The following ATP10A variants were observed in gnomAD, a reference collection of about 807,000 sequenced individuals.
The protein encoded by ATP10A is phospholipid-transporting ATPase VA.
In ATP10A, 111 loss-of-function variants were observed where a neutral mutation model predicts 147.8. That is an observed-to-expected ratio of 0.75 (90% CI 0.64 to 0.88). The LOEUF (loss-of-function observed/expected upper bound fraction) is 0.88, where lower values mean the gene tolerates loss of function less well. Among genes scored for constraint, ATP10A ranks in the 40% least tolerant of loss-of-function variants. ATP10A has a pLI of 0.00. For synonymous variants in ATP10A, 875 were observed against 841.6 expected (o/e 1.04, Z -0.69); for missense variants, 1,927 against 1,959.0 (o/e 0.98, Z 0.31).
At chr15:25,849,558 G>A (rs1893188214) in intron 1 of ATP10A, among the ~76,000 whole-genome samples, 3 of 152,120 alleles carry the variant, frequency 2.0e-5, no homozygotes, top group South Asian at 2.1e-4. Flanking sequence ...CTGGCCAGAC[G>A]CTTTACAGAG....
At chr15:25,861,385 T>G (rs1893753540) in intron 1 of ATP10A, among the ~76,000 whole-genome samples, 1 of 152,188 alleles carries the variant, frequency 6.6e-6, no homozygotes, top group South Asian at 2.1e-4. Context: ...CTTGCTGCTG[T>G]GTGACACTGG....
intron 1 of ATP10A, among the ~76,000 whole-genome samples, chr15:25,795,209 A>G (rs1403744174): frequency 6.6e-6 from 1 of 152,162 alleles, no homozygotes; most frequent in African/African-American, 2.4e-5. Flanking sequence ...TGAGGGACTG[A>G]ATCAGCCAGG....
intron 1 of ATP10A, among the ~76,000 whole-genome samples, chr15:25,818,768 T>C (rs1891766642): frequency 6.6e-6 from 1 of 152,140 alleles, no homozygotes; most frequent in Middle Eastern, 3.4e-3. Context: ...CACAGACCAA[T>C]GGAATGGAAG....
chr15:25,798,904 G>T (rs1447768878), intron 1 of ATP10A, among the ~76,000 whole-genome samples: 1 of 13,388 alleles, frequency 7.5e-5, no homozygotes, highest in Non-Finnish European at 3.1e-4. Flanking sequence ...GGAGGCCCCC[G>T]ACTGGCTTGA....
chr15:25,706,268 C>G (rs574941193), intron 12 of ATP10A, among the ~76,000 whole-genome samples: 1 of 152,264 alleles, frequency 6.6e-6, no homozygotes, highest in Admixed American at 6.5e-5. Context: ...GTGACCGATG[C>G]ACGATCACCA....
chr15:25,804,712 C>T (rs978638819), intron 1 of ATP10A, among the ~76,000 whole-genome samples: 6 of 152,242 alleles, frequency 3.9e-5, no homozygotes, highest in East Asian at 3.9e-4. Flanking sequence ...CTGTGAAATG[C>T]GGTAACGACA....
intron 1 of ATP10A, among the ~76,000 whole-genome samples, chr15:25,791,428 A>G (rs1890419975): frequency 6.6e-6 from 1 of 152,104 alleles, no homozygotes; most frequent in African/African-American, 2.4e-5. Flanking sequence ...CAGTGGCACA[A>G]TCTAGCTTAC....
chr15:25,725,974 C>T lies in ATP10A; in HGVS notation c.956G>A (p.Cys319Tyr). The T allele has an allele frequency of 6.2e-7, 1 of 1,613,682 alleles. No individual in the cohort carries two copies. Among genetic ancestry groups the T allele is most frequent in the Non-Finnish European group, 8.5e-7 (1 of 1,179,732 alleles). The change falls in exon 5 of 21, where the codon TGC becomes TAC. Residue 319 changes from cysteine (C) to tyrosine (Y), a missense_variant. Coordinates refer to ENST00000555815, the MANE Select transcript of ATP10A (RefSeq NM_024490.4). ...ACCGACTGCTGAAAACAGAGACATG[C>T]AAACAAGGAGCAGGACACACCAGAG... Reference protein sequence around the residue: ...DVLWCVLLLVCMSLFSAVGHG... With the variant: ...DVLWCVLLLVYMSLFSAVGHG...
intron 2 of ATP10A, among the ~76,000 whole-genome samples, chr15:25,747,266 A>G (rs894379186): frequency 1.3e-4 from 18 of 143,642 alleles, no homozygotes; most frequent in African/African-American, 4.4e-4. Context: ...CAGCCTGGGC[A>G]ACAAGAGCAA....
At chr15:25,772,487 C>T (rs1317888726) in intron 2 of ATP10A, among the ~76,000 whole-genome samples, 1 of 152,118 alleles carries the variant, frequency 6.6e-6, no homozygotes, top group East Asian at 1.9e-4. Flanking sequence ...CAGAGTCTGT[C>T]CTCGCAGAAT....
chr15:25,820,248 G>C (rs1483461366), intron 1 of ATP10A, among the ~76,000 whole-genome samples: 3 of 152,028 alleles, frequency 2.0e-5, no homozygotes, highest in Non-Finnish European at 4.4e-5. Context: ...CTGGGAAAAG[G>C]GGTTTGTCCA....
chr15:25,795,281 C>T (rs895480019), intron 1 of ATP10A, among the ~76,000 whole-genome samples: 3 of 152,114 alleles, frequency 2.0e-5, no homozygotes, highest in African/African-American at 4.8e-5. Context: ...AGGACACCAC[C>T]GTCCACGTGA....
At chr15:25,821,426 T>C (rs964981632) in intron 1 of ATP10A, among the ~76,000 whole-genome samples, 1 of 151,298 alleles carries the variant, frequency 6.6e-6, no homozygotes, top group Non-Finnish European at 1.5e-5. Flanking sequence ...AAAAAAAGCA[T>C]ATGGCTAGTG....
At chr15:25,857,772 A>T (rs1023581439) in intron 1 of ATP10A, among the ~76,000 whole-genome samples, 1 of 152,160 alleles carries the variant, frequency 6.6e-6, no homozygotes, top group African/African-American at 2.4e-5. Context: ...TAAGGTAATA[A>T]CTGTGAACAC....
intron 1 of ATP10A, among the ~76,000 whole-genome samples, chr15:25,850,646 C>CCCT: frequency 1.3e-5 from 2 of 150,476 alleles, no homozygotes; most frequent in South Asian, 4.3e-4. Context: ...CCTCCCTCCC[C>CCCT]CCCCAGCCCC....
intron 10 of ATP10A, 27 bp downstream of exon 10, chr15:25,713,647 G>C (rs1157455723): frequency 2.7e-5 from 43 of 1,606,046 alleles, no homozygotes; most frequent in Non-Finnish European, 3.4e-5. Context: ...CCCGAGCTGG[G>C]GTGCAGCTGG....
intron 1 of ATP10A, among the ~76,000 whole-genome samples, chr15:25,801,603 A>G (rs1156257457): frequency 6.6e-6 from 1 of 152,166 alleles, no homozygotes; most frequent in Non-Finnish European, 1.5e-5. Context: ...CTGAGACTTC[A>G]ATTTGCTAAG....
At chr15:25,829,775 CGT>C (rs1892274179) in intron 1 of ATP10A, among the ~76,000 whole-genome samples, 2 of 151,966 alleles carry the variant, frequency 1.3e-5, no homozygotes, top group African/African-American at 2.4e-5. Context: ...GAGGCCAAGG[CGT>C]AGTGGGATGG....
In ATP10A at chr15:25,721,876, C is replaced by T. The variant is rs1431379755; in HGVS notation, c.1144G>A (p.Glu382Lys). 3 of 1,613,770 alleles carry T rather than the reference C, an allele frequency of 1.9e-6. No individual in the cohort carries two copies. The highest frequency in any genetic ancestry group is 1.7e-6 in the Non-Finnish European group (2 of 1,179,822). Residue 382 changes from glutamate (E) to lysine (K), a missense_variant, in exon 7 of 21, where the codon GAA (glutamate) becomes AAA (lysine). Glu to Lys is a moderately conservative substitution (Grantham distance 56). Coordinates refer to ENST00000555815, the MANE Select transcript of ATP10A (RefSeq NM_024490.4). The part of the protein sequence containing the change: ...LIPISLYVSI[E>K]IVKACQVYFI... ...TACACTTGGCATGCTTTAACAATTT[C>T]AATGGAAACGTATAAGGAAATTGGG...
Sources: allele counts gnomAD v4.1 joint callset (sites outside exome capture counted in the v4.1 genomes callset), GRCh38; gene constraint gnomAD v4.1.1; transcripts MANE v1.5; gene names NCBI Gene and HGNC (gene_info 2026-07-23, HGNC 2026-07-21).